The following ITGA9 variants were observed in gnomAD, a reference collection of about 807,000 sequenced individuals.
ITGA9 encodes the protein integrin subunit alpha 9, also known as integrin alpha-9.
In ITGA9, 56 loss-of-function variants were observed where a neutral mutation model predicts 127.8. The observed-to-expected ratio is 0.44, with a 90% CI of 0.35 to 0.55. The LOEUF is 0.55. Among genes scored for constraint, ITGA9 ranks in the 20% least tolerant of loss-of-function variants. ITGA9 has a pLI of 0.00. For missense variants in ITGA9, 1,196 were observed against 1,347.1 expected (o/e 0.89, Z 1.76); for synonymous variants, 508 against 514.5 (o/e 0.99, Z 0.17).
At chr3:37,612,811 G>C (rs2125626592) in intron 15 of ITGA9, among the ~76,000 whole-genome samples, 1 of 152,276 alleles carries the variant, frequency 6.6e-6, no homozygotes, top group East Asian at 1.9e-4. Context: ...TTCTTTCTGA[G>C]CTTTGCCTTT....
intron 15 of ITGA9, among the ~76,000 whole-genome samples, chr3:37,604,375 A>G (rs536994149): frequency 1.3e-5 from 2 of 152,274 alleles, no homozygotes; most frequent in African/African-American, 2.4e-5. Context: ...ACTCAATTAC[A>G]GAGATAGATC....
chr3:37,588,617 C>T (rs1401046296), intron 15 of ITGA9, among the ~76,000 whole-genome samples: 1 of 152,176 alleles, frequency 6.6e-6, no homozygotes, highest in East Asian at 1.9e-4. Context: ...ACCTTGGTCT[C>T]ACAAACTCAT....
chr3:37,491,375 T>C (rs1469985970), intron 4 of ITGA9, among the ~76,000 whole-genome samples: 1 of 152,216 alleles, frequency 6.6e-6, no homozygotes, highest in Non-Finnish European at 1.5e-5. Flanking sequence ...GATAAATGTT[T>C]TGTTCAGTAG....
At chr3:37,615,764 A>G (rs1290048045) in intron 15 of ITGA9, among the ~76,000 whole-genome samples, 2 of 152,066 alleles carry the variant, frequency 1.3e-5, no homozygotes, top group East Asian at 1.9e-4. Flanking sequence ...AGAGGTGTTT[A>G]TAGTATTCTC....
intron 7 of ITGA9, among the ~76,000 whole-genome samples, chr3:37,508,318 C>T (rs1241032247): frequency 6.6e-6 from 1 of 152,166 alleles, no homozygotes; most frequent in African/African-American, 2.4e-5. Flanking sequence ...TTGTGTGTGG[C>T]TTTTATAAGT....
chr3:37,506,007 A>G lies in ITGA9; in HGVS notation c.750A>G (p.Ala250=), dbSNP rs1698837502. ...TCCGCCCATCCTGTTCAGGCTACGC[A>G]GTGACCGCTGGCCACTTCTCTCACC... ...MNRRYTYLGY[A]VTAGHFSHPS... is the part of the protein sequence containing the mutation. Residue 250 remains alanine (A), a synonymous_variant, in exon 7 of 28, where the codon GCA becomes GCG. Transcript: ENST00000264741. 6.2e-7 allele frequency: 1 copy of G among 1,605,134 alleles called. No individual in the cohort carries two copies. The highest frequency in any genetic ancestry group is 8.5e-7 in the Non-Finnish European group (1 of 1,176,084).
intron 10 of ITGA9, among the ~76,000 whole-genome samples, 174 bp from the exon 11 acceptor site, chr3:37,519,086 C>CT (rs11457089): frequency 0.58 from 81,147 of 141,088 alleles, 23,512 homozygotes; most frequent in East Asian, 0.81. Flanking sequence ...CACTGGCCTA[C>CT]TTTTTTTTTT....
rs1050514508 is a variant in ITGA9, at chr3:37,452,705, G to T, written c.185+146G>T. On this transcript the variant is annotated intron_variant, in intron 1 of 27. Transcript: ENST00000264741. The surrounding 1 kb of genome is among the most constrained non-coding windows in gnomAD (Gnocchi z 7.3). ...TGTCTCCGTTGCGCGCGGCTCGGCC[G>T]CCGGGGGACGGCGGGAGAAGGGAGG... 2.9e-6 allele frequency: 2 copies of T among 700,832 alleles called. No homozygotes were observed. The highest frequency in any genetic ancestry group is 4.5e-5 in the Admixed American group (1 of 22,092). 43.4% of individuals were successfully genotyped at this position (700,832 alleles called of 1,614,324 possible).
intron 23 of ITGA9, among the ~76,000 whole-genome samples, chr3:37,775,410 C>T (rs1027419432): frequency 2.6e-5 from 4 of 151,926 alleles, no homozygotes; most frequent in Admixed American, 6.6e-5. Context: ...TTTGGGAGGC[C>T]GAGGCGGGCG....
chr3:37,476,669 T>A (rs1478491171), intron 3 of ITGA9, among the ~76,000 whole-genome samples: 1 of 152,218 alleles, frequency 6.6e-6, no homozygotes, highest in Non-Finnish European at 1.5e-5. Context: ...TCTTCCCCTG[T>A]ATGGGCTCTG....
chr3:37,512,056 CTTTCTTTCTTTCT>C (rs1698921760), intron 8 of ITGA9, among the ~76,000 whole-genome samples: 9 of 44,370 alleles, frequency 2.0e-4, no homozygotes, highest in East Asian at 2.4e-3. Flanking sequence ...TTCTTTCTTT[CTTTCTTTCTTTCT>C]TTCTTTCCTT....
intron 25 of ITGA9, among the ~76,000 whole-genome samples, 165 bp downstream of exon 25, chr3:37,780,186 T>C (rs1696960195): frequency 2.0e-5 from 3 of 152,210 alleles, no homozygotes; most frequent in Non-Finnish European, 1.5e-5. Flanking sequence ...GTTTTTATTT[T>C]TATGTATTTA....
chr3:37,779,852 T>G (rs779753791), intron 24 of ITGA9, 50 bp from the exon 25 acceptor site: 24 of 1,602,274 alleles, frequency 1.5e-5, no homozygotes, highest in Non-Finnish European at 1.6e-5. Flanking sequence ...TGTTGTGGAT[T>G]TGTCTTTGTT....
At chr3:37,719,027 G>C (rs1188833865) in intron 18 of ITGA9, among the ~76,000 whole-genome samples, 1 of 152,178 alleles carries the variant, frequency 6.6e-6, no homozygotes, top group East Asian at 1.9e-4. Flanking sequence ...GAAGAATGTT[G>C]CTTGTTAACA....
At chr3:37,818,057 A>G (rs990289001) in intron 27 of ITGA9, among the ~76,000 whole-genome samples, 2 of 151,942 alleles carry the variant, frequency 1.3e-5, no homozygotes, top group Non-Finnish European at 2.9e-5. Context: ...TATTCCACAG[A>G]TGGCTAAGAT....
chr3:37,660,986 C>T (rs1419241422), intron 17 of ITGA9, among the ~76,000 whole-genome samples: 5 of 152,220 alleles, frequency 3.3e-5, no homozygotes, highest in Non-Finnish European at 5.9e-5. Flanking sequence ...AGAACTGGTG[C>T]ACTTTTCCTC....
At chr3:37,522,765 A>G (rs1417125068) in intron 11 of ITGA9, among the ~76,000 whole-genome samples, 1 of 151,946 alleles carries the variant, frequency 6.6e-6, no homozygotes, top group Non-Finnish European at 1.5e-5. Flanking sequence ...TTTAAAAAAC[A>G]TATAAAGTAA....
In ITGA9 at chr3:37,452,820, T is replaced by TG. The variant is rs1322757512; in HGVS notation, c.185+267dup. On this transcript the variant is annotated intron_variant, in intron 1 of 27. Transcript: ENST00000264741. The surrounding 1 kb of genome is among the most constrained non-coding windows in gnomAD (Gnocchi z 7.3). ...CTCCCTGGGGTCCCAGCCCAGAGCG[T>TG]GGGGGGAGAGCCGCTAGAGTTGTCT... 6.6e-6 allele frequency among the ~76,000 whole-genome samples: 1 copy of TG among 151,906 alleles called. No individual in the cohort carries two copies. The highest frequency in any genetic ancestry group is 2.4e-5 in the African/African-American group (1 of 41,348).
intron 26 of ITGA9, among the ~76,000 whole-genome samples, chr3:37,801,846 C>G (rs1036918927): frequency 2.0e-5 from 3 of 152,172 alleles, no homozygotes; most frequent in Non-Finnish European, 4.4e-5. Context: ...GGCTCAGAAA[C>G]TGTGGTGGCC....
Sources: gnomAD v4.1 joint callset for allele counts (sites outside exome capture counted in the v4.1 genomes callset) on GRCh38, gnomAD v4.1.1 for gene constraint, Gnocchi (gnomAD v3.1) non-coding constraint, MANE v1.5 for transcripts, NCBI Gene and HGNC (gene_info 2026-07-23, HGNC 2026-07-21) for gene names.